The following RFC3 variants were observed in gnomAD, a reference collection of about 807,000 sequenced individuals.
RFC3 encodes the protein A1 38 kDa subunit.
Under a neutral mutation model 45.1 loss-of-function variants are expected in RFC3, and 41 were observed. The ratio of observed to expected loss-of-function variants is 0.91; its 90% CI spans 0.71 to 1.18. RFC3 has a LOEUF of 1.18. Among genes scored for constraint, RFC3 ranks in the 50% most tolerant of loss-of-function variants. The pLI, the probability that RFC3 is intolerant of heterozygous loss-of-function variation, is 0.00. For missense variants in RFC3, 423 were observed against 428.1 expected, an observed-to-expected ratio of 0.99 and a Z score of 0.10; for synonymous variants, 149 against 144.0, an observed-to-expected ratio of 1.03 and a Z score of -0.25.
chr13:33,869,606 T>A (rs2082394850), intron 8 of RFC3, among the ~76,000 whole-genome samples: 1 of 152,184 alleles, frequency 6.6e-6, no homozygotes, highest in Non-Finnish European at 1.5e-5. Context: ...CTGTCTCACC[T>A]CCAGTGTGAG....
At chr13:33,945,885 T>A (rs767424193) in intron 8 of RFC3, among the ~76,000 whole-genome samples, 2 of 152,144 alleles carry the variant, frequency 1.3e-5, no homozygotes, top group African/African-American at 4.8e-5. Context: ...CATCTTGGAG[T>A]CATCTTTGTT....
chr13:33,921,938 T>C (rs1382230832), intron 8 of RFC3, among the ~76,000 whole-genome samples: 1 of 152,142 alleles, frequency 6.6e-6, no homozygotes, highest in Non-Finnish European at 1.5e-5. Flanking sequence ...CAGAGAAATC[T>C]GGTTTTGCCT....
At chr13:33,859,716 A>T (rs1445905405) in intron 8 of RFC3, among the ~76,000 whole-genome samples, 2 of 152,226 alleles carry the variant, frequency 1.3e-5, no homozygotes, top group Non-Finnish European at 2.9e-5. Flanking sequence ...TTTGAAATAA[A>T]AAATAAAGTT....
intron 8 of RFC3, among the ~76,000 whole-genome samples, chr13:33,887,619 T>C (rs2082534651): frequency 6.6e-6 from 1 of 152,236 alleles, no homozygotes. Context: ...TCTTTTGCTG[T>C]GCAGGAGCTC....
intron 8 of RFC3, among the ~76,000 whole-genome samples, chr13:33,876,428 G>A (rs4943162): frequency 0.063 from 9,569 of 152,224 alleles, 618 homozygotes; most frequent in East Asian, 0.16. Context: ...CTGAATTTGA[G>A]TGGTTGTATG....
At chr13:33,930,805 T>A (rs1184570466) in intron 8 of RFC3, among the ~76,000 whole-genome samples, 3 of 152,114 alleles carry the variant, frequency 2.0e-5, no homozygotes, top group African/African-American at 7.2e-5. Context: ...AATGAACAGC[T>A]TGGGGCAAAA....
intron 8 of RFC3, among the ~76,000 whole-genome samples, chr13:33,843,311 C>T (rs946484741): frequency 6.6e-5 from 10 of 151,924 alleles, no homozygotes; most frequent in Non-Finnish European, 1.5e-4. Context: ...AAATTACTTT[C>T]CTCTCTGCAG....
downstream of RFC3, among the ~76,000 whole-genome samples, chr13:33,842,435 G>GT (rs1279750240): frequency 6.6e-6 from 1 of 152,198 alleles, no homozygotes; most frequent in East Asian, 1.9e-4. Context: ...GATCCAGACT[G>GT]TATCTGCTAC....
chr13:33,859,777 C>T (rs1298000041), intron 8 of RFC3, among the ~76,000 whole-genome samples: 1 of 151,954 alleles, frequency 6.6e-6, no homozygotes, highest in Non-Finnish European at 1.5e-5. Context: ...TCTGGGCATG[C>T]CATGGACTGA....
intron 1 of RFC3, 98 bp from the exon 2 acceptor site, chr13:33,821,034 G>A: frequency 8.1e-7 from 1 of 1,236,304 alleles, no homozygotes; most frequent in East Asian, 2.4e-5. Context: ...GAGTTTCATG[G>A]GTAGACACAT....
At chr13:33,927,884 A>C (rs2082825526) in intron 8 of RFC3, among the ~76,000 whole-genome samples, 1 of 152,040 alleles carries the variant, frequency 6.6e-6, no homozygotes, top group South Asian at 2.1e-4. Flanking sequence ...TTCAGATGAG[A>C]AAGACCAATA....
intron 8 of RFC3, among the ~76,000 whole-genome samples, chr13:33,947,181 C>T (rs1228610144): frequency 6.6e-6 from 1 of 152,096 alleles, no homozygotes; most frequent in African/African-American, 2.4e-5. Context: ...GTCAATGTGT[C>T]AAGGGTAGGA....
Position 33,836,804 on chromosome 13 carries a change from A to G in RFC3, c.*509A>G, listed in dbSNP as rs2082158984. On this transcript the variant is annotated 3_prime_UTR_variant, in exon 9 of 9. Transcript: ENST00000380071. ...TGGTATGGACAAAATTGCAGATACC[A>G]TTTCTGTTGAGGCTGCAGATTTCCA... The G allele has an allele frequency of 1.0e-6, 1 of 985,638 alleles. No individual in the cohort carries two copies. Among genetic ancestry groups the G allele is most frequent in the Admixed American group, 6.1e-5 (1 of 16,330 alleles). 61.1% of individuals were successfully genotyped at this position (985,638 alleles called of 1,614,324 possible). A position where few individuals can be genotyped will look rare whatever the true frequency, so the allele number is the denominator to read the frequency against.
chr13:33,894,662 C>G (rs992159584), intron 8 of RFC3, among the ~76,000 whole-genome samples: 2 of 152,102 alleles, frequency 1.3e-5, no homozygotes, highest in South Asian at 4.1e-4. Context: ...GGGTTCTGAG[C>G]GCAGATTGTC....
Position 33,837,394 on chromosome 13 carries a change from ATTG to A in RFC3, c.*1102_*1104del, listed in dbSNP as rs2082165237. ...TTGAATGTTTCACTAGTTAATGTTT[ATTG>A]TTCAATATTTTTGTATATACTTTTA... On this transcript the variant is annotated 3_prime_UTR_variant, in exon 9 of 9. Coordinates refer to ENST00000380071, the MANE Select transcript of RFC3 (RefSeq NM_002915.4). 2 of 152,072 alleles carry A rather than the reference ATTG, an allele frequency of 1.3e-5. No individual in the cohort carries two copies. The highest frequency in any genetic ancestry group is 4.8e-5 in the African/African-American group (2 of 41,424). The allele number at this position is 152,072 out of a possible 1,614,324, so 9.4% of individuals were successfully genotyped here.
At chr13:33,851,432 T>A (rs757279513) in intron 8 of RFC3, among the ~76,000 whole-genome samples, 20 of 152,148 alleles carry the variant, frequency 1.3e-4, no homozygotes, top group Non-Finnish European at 2.5e-4. Flanking sequence ...TTGTATGTCG[T>A]GTATATTACA....
chr13:33,830,929 A>G, intron 6 of RFC3, 74 bp downstream of exon 6: 1 of 1,368,566 alleles, frequency 7.3e-7, no homozygotes, highest in Admixed American at 2.1e-5. Flanking sequence ...AGTTTTGTGG[A>G]AGACAATTTT....
chr13:33,970,473 T>C (rs1030121202), downstream of RFC3, among the ~76,000 whole-genome samples: 1 of 152,250 alleles, frequency 6.6e-6, no homozygotes, highest in Non-Finnish European at 1.5e-5. Flanking sequence ...TTGGACCAAA[T>C]GGTGTTTCTG....
intron 8 of RFC3, among the ~76,000 whole-genome samples, chr13:33,860,091 C>T (rs1441419346): frequency 6.6e-6 from 1 of 152,154 alleles, no homozygotes; most frequent in Admixed American, 6.5e-5. Context: ...AGGGGACAGT[C>T]CTCAGGAGAA....
Sources: gnomAD v4.1 joint callset for allele counts (sites outside exome capture counted in the v4.1 genomes callset) on GRCh38, gnomAD v4.1.1 for gene constraint, MANE v1.5 for transcripts, NCBI Gene and HGNC (gene_info 2026-07-23, HGNC 2026-07-21) for gene names.